The following NFIB variants were observed in gnomAD, a reference collection of about 807,000 sequenced individuals.
The protein encoded by NFIB is nuclear factor 1 B-type.
NFIB carries 11 observed loss-of-function variants against 61.5 expected under a neutral mutation model. The observed-to-expected ratio is 0.18, with a 90% confidence interval of 0.11 to 0.30. The LOEUF (loss-of-function observed/expected upper bound fraction) is 0.30, where lower values mean the gene tolerates loss of function less well. Ranked by LOEUF, NFIB falls within the 10% of genes least tolerant of loss-of-function variation. The pLI is 1.00. For synonymous variants in NFIB, 260 were observed against 216.5 expected (o/e 1.20, Z -1.76); for missense variants, 471 against 608.9 (o/e 0.77, Z 2.38).
intron 10 of NFIB, chr9:14,102,332 A>T: frequency 9.0e-7 from 1 of 1,112,970 alleles, no homozygotes; most frequent in Non-Finnish European, 1.3e-6. Flanking sequence ...TTTTTAACAT[A>T]TATTTTCTGT....
At chr9:14,289,988 C>T (rs28546438) in intron 2 of NFIB, among the ~76,000 whole-genome samples, 48,125 of 151,502 alleles carry the variant, frequency 0.32, 7,822 homozygotes, top group Admixed American at 0.35. Context: ...GCAACAGTTA[C>T]GAGTATGTTC....
the NFIB span, among the ~76,000 whole-genome samples, chr9:14,449,527 T>C: frequency 3.3e-5 from 5 of 152,208 alleles, no homozygotes; most frequent in African/African-American, 1.2e-4. Context: ...AGAGAATGCA[T>C]GAGTTGAAAG....
At chr9:14,456,761 C>T in the NFIB span, among the ~76,000 whole-genome samples, 16 of 152,134 alleles carry the variant, frequency 1.1e-4, no homozygotes, top group African/African-American at 3.9e-4. Flanking sequence ...GCTAAGTTTT[C>T]AATAGGGGAC....
chr9:14,282,818 T>G (rs1028060315), intron 2 of NFIB, among the ~76,000 whole-genome samples: 1 of 152,232 alleles, frequency 6.6e-6, no homozygotes, highest in Non-Finnish European at 1.5e-5. Flanking sequence ...CCTGAACACC[T>G]GGGTTCAAAT....
At chr9:14,246,330 C>T (rs2054922331) in intron 2 of NFIB, among the ~76,000 whole-genome samples, 1 of 152,166 alleles carries the variant, frequency 6.6e-6, no homozygotes, top group South Asian at 2.1e-4. Flanking sequence ...CTGCTCTCCA[C>T]ATCCCTTTGT....
chr9:14,406,047 G>A, the NFIB span, among the ~76,000 whole-genome samples: 1 of 152,172 alleles, frequency 6.6e-6, no homozygotes, highest in Non-Finnish European at 1.5e-5. Flanking sequence ...GGCCACCAAA[G>A]TTATACAGCC....
At chr9:14,253,359 G>T (rs146343366) in intron 2 of NFIB, among the ~76,000 whole-genome samples, 1 of 152,136 alleles carries the variant, frequency 6.6e-6, no homozygotes. Context: ...AGATTATAGC[G>T]GGATAATTTC....
chr9:14,435,695 T>A, the NFIB span, among the ~76,000 whole-genome samples: 1 of 152,072 alleles, frequency 6.6e-6, no homozygotes, highest in African/African-American at 2.4e-5. Flanking sequence ...TAAATAGAGG[T>A]CACTCTAAAA....
the NFIB span, among the ~76,000 whole-genome samples, chr9:14,440,887 A>G: frequency 2.0e-4 from 30 of 152,228 alleles, no homozygotes; most frequent in Non-Finnish European, 3.7e-4. Flanking sequence ...ACACAAAGGT[A>G]TTAAGAGAAA....
At chr9:14,198,929 T>C (rs1203174957) in intron 2 of NFIB, among the ~76,000 whole-genome samples, 6 of 152,216 alleles carry the variant, frequency 3.9e-5, no homozygotes, top group African/African-American at 1.4e-4. Flanking sequence ...ATCACATGTG[T>C]ACAGTGAATC....
intron 2 of NFIB, among the ~76,000 whole-genome samples, chr9:14,183,557 C>G (rs1467201911): frequency 2.0e-5 from 3 of 152,020 alleles, no homozygotes; most frequent in Non-Finnish European, 4.4e-5. Context: ...GCGCACACCA[C>G]CACACCCAGC....
chr9:14,333,059 C>T (rs959758260), intron 1 of NFIB, among the ~76,000 whole-genome samples: 4 of 152,188 alleles, frequency 2.6e-5, no homozygotes, highest in East Asian at 3.9e-4. Flanking sequence ...CTCCAAGGAA[C>T]GCTATTGTAG....
intron 10 of NFIB, among the ~76,000 whole-genome samples, chr9:14,104,996 T>C (rs1587215333): frequency 6.6e-6 from 1 of 152,176 alleles, no homozygotes; most frequent in Admixed American, 6.5e-5. Context: ...TGATTGCTTA[T>C]TGTCCCACAG....
chr9:14,513,634 A>AG, the NFIB span, among the ~76,000 whole-genome samples: 1 of 146,962 alleles, frequency 6.8e-6, no homozygotes, highest in African/African-American at 2.5e-5. Flanking sequence ...TCTCAAAAAA[A>AG]AAAAAGAAAA....
intron 2 of NFIB, among the ~76,000 whole-genome samples, chr9:14,301,506 G>A (rs2059749979): frequency 6.6e-6 from 1 of 152,004 alleles, no homozygotes; most frequent in African/African-American, 2.4e-5. Flanking sequence ...CAGAAAGTGG[G>A]GCACTATATA....
At chr9:14,209,106 C>T (rs2050048347) in intron 2 of NFIB, among the ~76,000 whole-genome samples, 3 of 152,200 alleles carry the variant, frequency 2.0e-5, no homozygotes, top group African/African-American at 7.2e-5. Flanking sequence ...ATCAATACAT[C>T]ACAGCCCAGC....
At chr9:14,390,545 G>A (rs2061607555) in intron 1 of NFIB, among the ~76,000 whole-genome samples, 1 of 152,184 alleles carries the variant, frequency 6.6e-6, no homozygotes, top group Non-Finnish European at 1.5e-5. Flanking sequence ...TAAAAATTTG[G>A]TACTAAATGC....
At chr9:14,439,592 C>A in the NFIB span, among the ~76,000 whole-genome samples, 2 of 152,118 alleles carry the variant, frequency 1.3e-5, no homozygotes, top group Non-Finnish European at 2.9e-5. Context: ...CTTCCCTGAG[C>A]CTCAGGCCAG....
At chr9:14,503,088 G>GTGTA in the NFIB span, among the ~76,000 whole-genome samples, 2 of 147,370 alleles carry the variant, frequency 1.4e-5, no homozygotes, top group African/African-American at 5.0e-5. Flanking sequence ...GTATTTTATG[G>GTGTA]TATATATATA....
Sources: allele counts gnomAD v4.1 joint callset (sites outside exome capture counted in the v4.1 genomes callset), GRCh38; gene constraint gnomAD v4.1.1; transcripts MANE v1.5; gene names NCBI Gene and HGNC (gene_info 2026-07-23, HGNC 2026-07-21).